Variants in TXLNB observed in about 807,000 individuals in gnomAD.
The protein encoded by TXLNB is taxilin beta.
A neutral mutation model predicts 57.4 loss-of-function variants in TXLNB; 37 were observed. The observed-to-expected ratio is 0.64, with a 90% CI of 0.50 to 0.85. TXLNB has a LOEUF of 0.85. Among genes scored for constraint, TXLNB ranks in the 40% least tolerant of loss-of-function variants. The pLI is 0.00. For synonymous variants in TXLNB, 302 were observed against 309.6 expected (o/e 0.98, Z 0.26); for missense variants, 848 against 825.6 (o/e 1.03, Z -0.33).
At chr6:139,316,696 A>T in the TXLNB span, among the ~76,000 whole-genome samples, 18 of 152,224 alleles carry the variant, frequency 1.2e-4, no homozygotes, top group Non-Finnish European at 2.9e-5. Flanking sequence ...AGTATTTTTT[A>T]AAAAACAGCT....
the TXLNB span, among the ~76,000 whole-genome samples, chr6:139,215,032 C>T: frequency 7.9e-5 from 12 of 152,066 alleles, no homozygotes; most frequent in South Asian, 4.2e-4. Context: ...GAATCAATAT[C>T]GTGAAAATGG....
chr6:139,171,848 TG>T, the TXLNB span, among the ~76,000 whole-genome samples: 1 of 151,750 alleles, frequency 6.6e-6, no homozygotes, highest in Admixed American at 6.6e-5. Flanking sequence ...TTTTTTTTTT[TG>T]TGACGGGGTT....
intron 8 of TXLNB, among the ~76,000 whole-genome samples, chr6:139,245,162 G>A (rs550605045): frequency 6.6e-6 from 1 of 152,178 alleles, no homozygotes; most frequent in Admixed American, 6.5e-5. Flanking sequence ...CATTTATAGA[G>A]TGAGGTAGAG....
At chr6:139,169,948 C>T in the TXLNB span, 2 of 152,228 alleles carry the variant, frequency 1.3e-5, no homozygotes, top group African/African-American at 4.8e-5. Context: ...TCCCTGCGAG[C>T]TCCCTACAAA....
the TXLNB span, among the ~76,000 whole-genome samples, chr6:139,172,829 G>T: frequency 9.3e-4 from 141 of 152,310 alleles, no homozygotes; most frequent in African/African-American, 2.6e-3. Context: ...CAACAGTAAT[G>T]TCTATTCTGT....
intron 4 of TXLNB, among the ~76,000 whole-genome samples, chr6:139,269,559 A>T (rs1776706446): frequency 6.6e-6 from 1 of 152,236 alleles, no homozygotes; most frequent in Admixed American, 6.5e-5. Context: ...CAATTTGGGA[A>T]AATGAGGAAC....
chr6:139,220,582 C>T, the TXLNB span, among the ~76,000 whole-genome samples: 1 of 152,154 alleles, frequency 6.6e-6, no homozygotes, highest in Non-Finnish European at 1.5e-5. Flanking sequence ...CTGCGTCTGA[C>T]AAATGCCTGG....
chr6:139,204,890 C>T, the TXLNB span, among the ~76,000 whole-genome samples: 1 of 152,146 alleles, frequency 6.6e-6, no homozygotes, highest in Non-Finnish European at 1.5e-5. Flanking sequence ...GTCAATTGTA[C>T]TCCCCTATGG....
chr6:139,308,761 A>T, the TXLNB span, among the ~76,000 whole-genome samples: 1 of 152,298 alleles, frequency 6.6e-6, no homozygotes, highest in East Asian at 1.9e-4. Flanking sequence ...GGGTGGGTAA[A>T]TTTCCCACTA....
the TXLNB span, among the ~76,000 whole-genome samples, chr6:139,222,564 T>C: frequency 2.4e-4 from 36 of 152,196 alleles, no homozygotes; most frequent in Non-Finnish European, 4.3e-4. Context: ...CCTAGCACTT[T>C]GGGAAGCCGA....
At chr6:139,167,685 TATAAAC>T in the TXLNB span, among the ~76,000 whole-genome samples, 11 of 152,322 alleles carry the variant, frequency 7.2e-5, no homozygotes, top group African/African-American at 1.7e-4. Flanking sequence ...CTTAGATCCT[TATAAAC>T]ATAACAGTGA....
chr6:139,179,395 C>G, the TXLNB span: 1 of 152,124 alleles, frequency 6.6e-6, no homozygotes, highest in Non-Finnish European at 1.5e-5. Context: ...TTAGAACTGC[C>G]GTCAGTGTAG....
chr6:139,185,476 C>T, the TXLNB span, among the ~76,000 whole-genome samples: 3 of 152,088 alleles, frequency 2.0e-5, no homozygotes, highest in Non-Finnish European at 2.9e-5. Flanking sequence ...CCGAGGTGGG[C>T]GGATCATGAG....
the TXLNB span, among the ~76,000 whole-genome samples, chr6:139,193,241 C>CTTTTTTTTT: frequency 0.15 from 15,340 of 99,588 alleles, 1,954 homozygotes; most frequent in Non-Finnish European, 0.22. Flanking sequence ...CTTTGACCCT[C>CTTTTTTTTT]TTTTTTTTTT....
intron 3 of TXLNB, 118 bp from the exon 4 acceptor site, chr6:139,270,744 T>C: frequency 1.2e-6 from 1 of 843,096 alleles, no homozygotes; most frequent in Non-Finnish European, 1.9e-6. Flanking sequence ...TTTGCTATTA[T>C]CTCTTCCTCT....
chr6:139,202,297 C>T, the TXLNB span, among the ~76,000 whole-genome samples: 1 of 152,202 alleles, frequency 6.6e-6, no homozygotes, highest in Admixed American at 6.5e-5. Context: ...TCAAATTTTC[C>T]ACTATTGTAC....
the TXLNB span, among the ~76,000 whole-genome samples, chr6:139,214,628 G>C: frequency 6.6e-6 from 1 of 152,128 alleles, no homozygotes; most frequent in African/African-American, 2.4e-5. Flanking sequence ...GTTCTGGCCA[G>C]GGCAATCAGG....
chr6:139,199,427 C>T, the TXLNB span, among the ~76,000 whole-genome samples: 18,068 of 152,154 alleles, frequency 0.12, 1,349 homozygotes, highest in East Asian at 0.19. Context: ...GGGTTTGGCC[C>T]TGGGGTCCAG....
rs752625302 is a variant in TXLNB, at chr6:139,288,500, C to T, written c.400G>A (p.Glu134Lys). Residue 134 changes from glutamate (E) to lysine (K), a missense_variant, in exon 2 of 10, where the codon GAA becomes AAA. Transcript: ENST00000358430. ...CCTAATCCTTTTAGGATTTTCTTTT[C>T]CAATTTTTGCTCCTTATTGCTGACG... is the stretch of plus-strand genomic sequence containing the variant. Reference protein sequence around the residue: ...EPVSNKEQKLEKKILKGLGKE... With the variant: ...EPVSNKEQKLKKKILKGLGKE... 1 of 1,614,004 alleles carries T rather than the reference C, an allele frequency of 6.2e-7. No individual in the cohort carries two copies. Among genetic ancestry groups the T allele is most frequent in the Non-Finnish European group, 8.5e-7 (1 of 1,179,982 alleles).
Sources: gnomAD v4.1 joint callset for allele counts (sites outside exome capture counted in the v4.1 genomes callset) on GRCh38, gnomAD v4.1.1 for gene constraint, MANE v1.5 for transcripts, NCBI Gene and HGNC (gene_info 2026-07-23, HGNC 2026-07-21) for gene names.